TFPI: variants seen among roughly 807,000 people sequenced by gnomAD.
TFPI encodes tissue factor pathway inhibitor.
Under a neutral mutation model 34.6 loss-of-function variants are expected in TFPI, and 15 were observed. The observed-to-expected ratio is 0.43, with a 90% CI of 0.29 to 0.67. The LOEUF (loss-of-function observed/expected upper bound fraction) is 0.67, where lower values mean the gene tolerates loss of function less well. Ranked by LOEUF, TFPI falls within the 30% of genes least tolerant of loss-of-function variation. The probability of loss-of-function intolerance (pLI) is 0.15; values close to 1 mark genes in which losing one functional copy is unlikely to be tolerated. For missense variants in TFPI, 301 were observed against 364.0 expected (o/e 0.83, Z 1.41); for synonymous variants, 105 against 120.1 (o/e 0.87, Z 0.82).
chr2:187,522,183 G>A (rs1191968949), intron 1 of TFPI, among the ~76,000 whole-genome samples: 1 of 152,018 alleles, frequency 6.6e-6, no homozygotes, highest in Non-Finnish European at 1.5e-5. Context: ...TCTGTTGATT[G>A]TTTCTTTTGC....
chr2:187,534,545 G>A lies in TFPI; in HGVS notation c.-3+19655C>T, dbSNP rs187132119. Among the ~76,000 whole-genome samples, 503 of 152,302 alleles carry A rather than the reference G, an allele frequency of 3.3e-3. 2 individuals are homozygous for A. The highest frequency in any genetic ancestry group is 0.01 in the Middle Eastern group (3 of 294). ...GAGAGATTTTGTCACCACCAAGCTT[G>A]CCTTACAAGAGCTCCTGAAGGAGGC... On this transcript the variant is annotated intron_variant, in intron 1 of 7. Transcript: ENST00000233156.
intron 1 of TFPI, among the ~76,000 whole-genome samples, chr2:187,530,071 T>C (rs911841479): frequency 2.0e-5 from 3 of 152,146 alleles, no homozygotes; most frequent in Non-Finnish European, 4.4e-5. Flanking sequence ...AATGAGAAAG[T>C]GTATTTTTTG....
intron 1 of TFPI, among the ~76,000 whole-genome samples, chr2:187,510,035 C>T (rs896306254): frequency 6.6e-6 from 1 of 152,196 alleles, no homozygotes; most frequent in Non-Finnish European, 1.5e-5. Context: ...TAATCACACC[C>T]CTGCCCCTTT....
intron 1 of TFPI, among the ~76,000 whole-genome samples, chr2:187,550,715 T>G (rs1689065274): frequency 6.6e-6 from 1 of 152,190 alleles, no homozygotes. Flanking sequence ...AAAGTTGTAT[T>G]ACATTTTAAT....
chr2:187,477,062 AACAC>A (rs1359663522), intron 6 of TFPI, among the ~76,000 whole-genome samples: 2 of 152,172 alleles, frequency 1.3e-5, no homozygotes, highest in African/African-American at 4.8e-5. Flanking sequence ...AAGCTTGAGA[AACAC>A]TTCTCTGGAG....
chr2:187,532,348 T>C (rs1688003170), intron 1 of TFPI, among the ~76,000 whole-genome samples: 1 of 152,120 alleles, frequency 6.6e-6, no homozygotes, highest in African/African-American at 2.4e-5. Flanking sequence ...ATGCAGAAGG[T>C]GCGTGATTTC....
In TFPI at chr2:187,464,305, T is replaced by A. The variant is rs765832037; in HGVS notation, c.*2631A>T. 1 of 152,200 alleles carries A rather than the reference T, an allele frequency of 6.6e-6. No homozygotes were observed. Among genetic ancestry groups the A allele is most frequent in the African/African-American group, 2.4e-5 (1 of 41,456 alleles). 9.4% of individuals were successfully genotyped at this position (152,200 alleles called of 1,614,324 possible). ...ATCGTTTGAGTGGTTTTCAGCATGA[T>A]CTGTTAATTTTGAATACAGAGAATG... On this transcript the variant is annotated 3_prime_UTR_variant, in exon 8 of 8. Coordinates refer to ENST00000233156, the MANE Select transcript of TFPI (RefSeq NM_006287.6).
chr2:187,535,230 A>G (rs566217157), intron 1 of TFPI, among the ~76,000 whole-genome samples: 58 of 152,284 alleles, frequency 3.8e-4, no homozygotes, highest in Non-Finnish European at 7.4e-4. Flanking sequence ...GCTCTGCAAC[A>G]AGCAGACCTA....
At chr2:187,510,734 A>G (rs558351171) in intron 1 of TFPI, among the ~76,000 whole-genome samples, 32 of 152,212 alleles carry the variant, frequency 2.1e-4, no homozygotes, top group Middle Eastern at 3.4e-3. Flanking sequence ...TTACTGGTGC[A>G]TGCAGCCCCC....
chr2:187,552,166 T>G (rs1689120492), intron 1 of TFPI, among the ~76,000 whole-genome samples: 1 of 152,070 alleles, frequency 6.6e-6, no homozygotes, highest in Non-Finnish European at 1.5e-5. Context: ...TTTTCTTGTA[T>G]TAGGTAGAGA....
intron 1 of TFPI, among the ~76,000 whole-genome samples, chr2:187,520,783 G>T (rs1449388318): frequency 6.6e-6 from 1 of 151,970 alleles, no homozygotes; most frequent in Non-Finnish European, 1.5e-5. Flanking sequence ...TATAAGTATG[G>T]ACTCATGGAT....
chr2:187,502,589 T>G (rs1022942129), intron 2 of TFPI, among the ~76,000 whole-genome samples: 2 of 152,178 alleles, frequency 1.3e-5, no homozygotes, highest in Admixed American at 1.3e-4. Context: ...TAGGAAATTT[T>G]TATAACATGA....
At chr2:187,505,456 T>C (rs556997437) in intron 1 of TFPI, among the ~76,000 whole-genome samples, 2 of 152,268 alleles carry the variant, frequency 1.3e-5, no homozygotes, top group South Asian at 4.1e-4. Flanking sequence ...CAGGCTTGCA[T>C]TAGTTCTCAG....
At chr2:187,527,850 C>T (rs969949079) in intron 1 of TFPI, among the ~76,000 whole-genome samples, 4 of 151,960 alleles carry the variant, frequency 2.6e-5, no homozygotes, top group Non-Finnish European at 4.4e-5. Flanking sequence ...TATGCAGGTA[C>T]GTTGAATTTA....
At chr2:187,472,564 T>A (rs1373013137) in intron 6 of TFPI, among the ~76,000 whole-genome samples, 1 of 152,110 alleles carries the variant, frequency 6.6e-6, no homozygotes. Flanking sequence ...TATTCAACAC[T>A]TTTTTCTTCC....
At chr2:187,504,012 T>G (rs1686029362) in intron 1 of TFPI, among the ~76,000 whole-genome samples, 1 of 152,110 alleles carries the variant, frequency 6.6e-6, no homozygotes, top group South Asian at 2.1e-4. Flanking sequence ...AGGTCATATT[T>G]CAACTTTGAA....
chr2:187,532,913 CA>C (rs766783621), intron 1 of TFPI, among the ~76,000 whole-genome samples: 14 of 152,308 alleles, frequency 9.2e-5, no homozygotes, highest in Non-Finnish European at 1.9e-4. Context: ...TCCGCCATTA[CA>C]GAGGCTTGAG....
At chr2:187,480,898 G>A (rs534659521) in intron 6 of TFPI, among the ~76,000 whole-genome samples, 1 of 151,958 alleles carries the variant, frequency 6.6e-6, no homozygotes, top group East Asian at 1.9e-4. Flanking sequence ...AAGTATTCAA[G>A]TATCTCGAAT....
intron 1 of TFPI, among the ~76,000 whole-genome samples, chr2:187,513,058 G>C (rs1686755321): frequency 6.6e-6 from 1 of 152,042 alleles, no homozygotes; most frequent in African/African-American, 2.4e-5. Flanking sequence ...ATATACCTTT[G>C]GTAAAGGGAT....
Sources: gnomAD v4.1 joint callset for allele counts (sites outside exome capture counted in the v4.1 genomes callset) on GRCh38, gnomAD v4.1.1 for gene constraint, MANE v1.5 for transcripts, NCBI Gene and HGNC (gene_info 2026-07-23, HGNC 2026-07-21) for gene names.